The following ENPP6 variants were observed in gnomAD, a reference collection of about 807,000 sequenced individuals.
The protein encoded by ENPP6 is glycerophosphocholine cholinephosphodiesterase ENPP6.
A neutral mutation model predicts 42.0 loss-of-function variants in ENPP6; 32 were observed. The ratio of observed to expected loss-of-function variants is 0.76; its 90% CI spans 0.58 to 1.02. ENPP6 has a LOEUF of 1.02. ENPP6 is among the 50% of genes least tolerant of loss of function. The pLI, the probability that ENPP6 is intolerant of heterozygous loss-of-function variation, is 0.00. For missense variants in ENPP6, 552 were observed against 566.8 expected (o/e 0.97, Z 0.27); for synonymous variants, 213 against 216.0 (o/e 0.99, Z 0.12).
chr4:184,170,235 T>G (rs6552761), intron 1 of ENPP6, among the ~76,000 whole-genome samples: 144,162 of 152,154 alleles, frequency 0.95, 68,816 homozygotes, highest in East Asian at 1. Context: ...TTTGAGACCA[T>G]ACTGGGCAAC....
chr4:184,097,268 C>G lies in ENPP6; in HGVS notation c.1094G>C (p.Gly365Ala). ...ACCAGGTCCGAAGGCCAGGAAGATG[C>G]CCCGCATGTCCATGAGCTCGTTGTC... ...GYDNELMDMRGIFLAFGPDFK... is the reference protein window; with the variant it reads ...GYDNELMDMRAIFLAFGPDFK... Residue 365 changes from glycine to alanine, a missense_variant, in exon 7 of 8, where the codon GGC (glycine) becomes GCC (alanine). By Grantham distance (60) the Gly-to-Ala change is moderately conservative. Transcript: ENST00000296741. 1 of 1,614,202 alleles carries G rather than the reference C, an allele frequency of 6.2e-7. No individual in the cohort carries two copies. The highest frequency in any genetic ancestry group is 8.5e-7 in the Non-Finnish European group (1 of 1,180,026).
intron 1 of ENPP6, among the ~76,000 whole-genome samples, chr4:184,190,930 T>C (rs1326400832): frequency 6.6e-6 from 1 of 152,226 alleles, no homozygotes; most frequent in Non-Finnish European, 1.5e-5. Context: ...GAAGCGCTTA[T>C]TGTTCACATT....
At chr4:184,098,028 CT>C (rs1735940687) in intron 6 of ENPP6, among the ~76,000 whole-genome samples, 1 of 152,250 alleles carries the variant, frequency 6.6e-6, no homozygotes, top group Admixed American at 6.5e-5. Context: ...AGTGGAAGCT[CT>C]GCGTGCCTCA....
intron 1 of ENPP6, among the ~76,000 whole-genome samples, chr4:184,194,252 C>A (rs1291442529): frequency 5.9e-5 from 9 of 152,214 alleles, no homozygotes; most frequent in African/African-American, 1.9e-4. Context: ...CACTGAGATG[C>A]TGTACTGAGA....
Position 184,151,953 on chromosome 4 carries a change from G to T in ENPP6, c.421+1601C>A, listed in dbSNP as rs552937715. 2.6e-5 allele frequency among the ~76,000 whole-genome samples: 4 copies of T among 152,292 alleles called. No homozygotes were observed. The South Asian group carries it at 8.3e-4, about 32-fold the overall frequency. ...CCTCCTAAACTCTTCCTCTTCCTTT[G>T]CTCAAAGGTGTCTTGCGTCAGCCGA... is the stretch of plus-strand genomic sequence containing the variant. On this transcript the variant is annotated intron_variant, in intron 2 of 7. Transcript: ENST00000296741.
chr4:184,217,551 C>A (rs774385869), intron 1 of ENPP6, 28 bp downstream of exon 1: 1 of 1,611,194 alleles, frequency 6.2e-7, no homozygotes, highest in South Asian at 1.1e-5. Context: ...CCCTCCCCTC[C>A]CTGCCCAGAA....
chr4:184,138,780 G>A (rs1736771331), intron 2 of ENPP6, among the ~76,000 whole-genome samples: 1 of 152,176 alleles, frequency 6.6e-6, no homozygotes. Context: ...GGAAGCAACT[G>A]GGCCCGAAGT....
chr4:184,135,442 G>A (rs527815590), intron 2 of ENPP6, among the ~76,000 whole-genome samples: 8 of 152,250 alleles, frequency 5.3e-5, no homozygotes, highest in East Asian at 1.9e-4. Context: ...AACATGAAAT[G>A]TCCTTAACTT....
intron 1 of ENPP6, among the ~76,000 whole-genome samples, chr4:184,187,632 C>T (rs1297915965): frequency 6.6e-6 from 1 of 152,166 alleles, no homozygotes; most frequent in Non-Finnish European, 1.5e-5. Flanking sequence ...TTGCAGACCA[C>T]CCTAGGTAAA....
intron 1 of ENPP6, among the ~76,000 whole-genome samples, chr4:184,175,709 C>T (rs1281516725): frequency 6.6e-6 from 1 of 152,144 alleles, no homozygotes; most frequent in East Asian, 1.9e-4. Flanking sequence ...ACAGGAGTCC[C>T]ACTTACACCA....
chr4:184,213,273 A>C (rs1434910109), intron 1 of ENPP6, among the ~76,000 whole-genome samples: 1 of 151,794 alleles, frequency 6.6e-6, no homozygotes, highest in African/African-American at 2.4e-5. Context: ...TCTGCACAGC[A>C]AAAGAAACTA....
At chr4:184,194,155 C>A (rs750313221) in intron 1 of ENPP6, among the ~76,000 whole-genome samples, 2 of 152,202 alleles carry the variant, frequency 1.3e-5, no homozygotes, top group Non-Finnish European at 2.9e-5. Flanking sequence ...TCCCACTCCT[C>A]GGTCAGCATC....
rs1301040831 is a variant in ENPP6 at position 184,090,604 on chromosome 4, A to C, written c.*573T>G. On this transcript the variant is annotated 3_prime_UTR_variant, in exon 8 of 8. Coordinates refer to ENST00000296741, the MANE Select transcript of ENPP6 (RefSeq NM_153343.4). ...TTTTGATTGATTGGTGATCCATGCT[A>C]AGTTACGTCCTTTCTGGAGCTCAGT... The C allele has an allele frequency of 1.2e-5, 2 of 168,048 alleles. No individual in the cohort carries two copies. The highest frequency in any genetic ancestry group is 6.4e-5 in the Admixed American group (1 of 15,696). 10.4% of individuals were successfully genotyped at this position (168,048 alleles called of 1,614,324 possible). A position where few individuals can be genotyped will look rare whatever the true frequency, so the allele number is the denominator to read the frequency against.
intron 6 of ENPP6, 200 bp downstream of exon 6, chr4:184,112,472 A>T: frequency 1.6e-6 from 1 of 608,746 alleles, no homozygotes; most frequent in Non-Finnish European, 2.7e-6. Flanking sequence ...CTAAACCATG[A>T]CTCTGGGTTC....
At chr4:184,113,119 C>T (rs942735914) in intron 5 of ENPP6, among the ~76,000 whole-genome samples, 1 of 152,088 alleles carries the variant, frequency 6.6e-6, no homozygotes, top group Non-Finnish European at 1.5e-5. Context: ...TGGAACAGCC[C>T]AAATGCCCAG....
chr4:184,119,419 G>T (rs1340830022), intron 3 of ENPP6, among the ~76,000 whole-genome samples: 1 of 151,460 alleles, frequency 6.6e-6, no homozygotes, highest in Admixed American at 6.6e-5. Flanking sequence ...CCCTCAGCAA[G>T]AAACTATGTT....
Position 184,199,041 on chromosome 4 carries a change from A to C in ENPP6, c.241+18538T>G, listed in dbSNP as rs527793925. ...ACAGAGAAGGAGAGAGGCCGCCTCC[A>C]TGCCACGAAGCATATGTGACCAGAG... is the stretch of plus-strand genomic sequence containing the variant. On this transcript the variant is annotated intron_variant, in intron 1 of 7. Coordinates refer to ENST00000296741, the MANE Select transcript of ENPP6 (RefSeq NM_153343.4). Among the ~76,000 whole-genome samples, 15 of 152,338 alleles carry C rather than the reference A, an allele frequency of 9.8e-5. No individual in the cohort carries two copies. The South Asian group carries it at 3.1e-3, about 32-fold the overall frequency.
intron 1 of ENPP6, among the ~76,000 whole-genome samples, chr4:184,210,178 C>T (rs1304969970): frequency 6.6e-6 from 1 of 150,508 alleles, no homozygotes; most frequent in African/African-American, 2.5e-5. Flanking sequence ...ACTGCATCAA[C>T]TAACGAGCAA....
At chr4:184,195,489 A>G (rs1398586576) in intron 1 of ENPP6, among the ~76,000 whole-genome samples, 1 of 152,236 alleles carries the variant, frequency 6.6e-6, no homozygotes, top group African/African-American at 2.4e-5. Flanking sequence ...CTTCAGTGGC[A>G]TTAAGTACAT....
Sources: allele counts gnomAD v4.1 joint callset (sites outside exome capture counted in the v4.1 genomes callset), GRCh38; gene constraint gnomAD v4.1.1; transcripts MANE v1.5; gene names NCBI Gene and HGNC (gene_info 2026-07-23, HGNC 2026-07-21).